NPHP4: variants seen among roughly 807,000 people sequenced by gnomAD.
The protein encoded by NPHP4 is nephrocystin-4.
NPHP4 carries 151 observed loss-of-function variants against 155.8 expected under a neutral mutation model. The observed-to-expected ratio is 0.97, with a 90% CI of 0.85 to 1.11. The LOEUF (loss-of-function observed/expected upper bound fraction) is 1.11, where lower values mean the gene tolerates loss of function less well. Ranked by LOEUF, NPHP4 falls within the 50% of genes least tolerant of loss-of-function variation. The pLI, the probability that NPHP4 is intolerant of heterozygous loss-of-function variation, is 0.00. For synonymous variants in NPHP4, 845 were observed against 816.8 expected (o/e 1.03, Z -0.59); for missense variants, 1,956 against 1,925.7 (o/e 1.02, Z -0.29).
In NPHP4 at chr1:5,867,212, G is replaced by A. The variant is rs1012655398; in HGVS notation, c.3473-97C>T. The A allele has an allele frequency of 2.1e-5, 19 of 898,220 alleles. No homozygotes were observed. Among genetic ancestry groups the A allele is most frequent in the African/African-American group, 1.3e-4 (8 of 60,244 alleles). The allele number at this position is 898,220 out of a possible 1,614,324, so 55.6% of individuals were successfully genotyped here. A position where few individuals can be genotyped will look rare whatever the true frequency, so the allele number is the denominator to read the frequency against. On this transcript the variant is annotated intron_variant, in intron 24 of 29. Transcript: ENST00000378156. The surrounding 1 kb of genome is among the most constrained non-coding windows in gnomAD (Gnocchi z 4.1). ...ACACACTATAGGACAGGACAGGCTC[G>A]TCACAGGTGCTCAGCAAGACACCTG...
In NPHP4 at chr1:5,986,244, G is replaced by C. The variant is rs569481065; in HGVS notation, c.46C>G (p.Pro16Ala). ...RIFTQNVLVP[P>A]HPQRARQPWK... ...GGCTGGCGCGCTCTCTGTGGGTGGG[G>C]AGGGACAAGCACGTTTTGGGTGAAG... Residue 16 changes from proline (P) to alanine (A), a missense_variant, in exon 2 of 30, where the codon CCC becomes GCC. By Grantham distance (27) the Pro-to-Ala change is conservative. Coordinates refer to ENST00000378156, the MANE Select transcript of NPHP4 (RefSeq NM_015102.5). 2.1e-5 allele frequency: 34 copies of C among 1,613,776 alleles called. No homozygotes were observed. The highest frequency in any genetic ancestry group is 2.7e-5 in the African/African-American group (2 of 74,918).
chr1:5,952,234 C>T (rs1432882802), intron 7 of NPHP4, among the ~76,000 whole-genome samples: 3 of 152,312 alleles, frequency 2.0e-5, no homozygotes, highest in Admixed American at 6.5e-5. Flanking sequence ...CAGCCACCTC[C>T]GGAAACGAGC....
chr1:5,979,027 G>A (rs1239824340), intron 2 of NPHP4, among the ~76,000 whole-genome samples: 1 of 148,554 alleles, frequency 6.7e-6, no homozygotes, highest in African/African-American at 2.6e-5. Context: ...CAGCCAGAGT[G>A]TAGACAGGCA....
intron 6 of NPHP4, among the ~76,000 whole-genome samples, chr1:5,956,662 G>C (rs1424992795): frequency 6.6e-6 from 1 of 152,184 alleles, no homozygotes; most frequent in East Asian, 1.9e-4. Context: ...GCCCGGTGCT[G>C]AGTGTTGCCT....
chr1:5,982,061 G>A (rs1352854874), intron 2 of NPHP4, among the ~76,000 whole-genome samples: 8 of 150,980 alleles, frequency 5.3e-5, no homozygotes, highest in Admixed American at 4.0e-4. Context: ...TGTAGCGTAC[G>A]TTATCATGAT....
chr1:5,910,064 G>A lies in NPHP4; in HGVS notation c.1442-851C>T, dbSNP rs139745863. On this transcript the variant is annotated intron_variant, in intron 11 of 29. Coordinates refer to ENST00000378156, the MANE Select transcript of NPHP4 (RefSeq NM_015102.5). This position sits in a 1 kb window ranked among gnomAD's most constrained non-coding sequence, Gnocchi z 5.4. ...AAACCCACCAGGCTCCTGCCACAGC[G>A]GTGCTGGAGCGTCCATAGCCACTCG... is the stretch of plus-strand genomic sequence containing the variant. Among the ~76,000 whole-genome samples the A allele has an allele frequency of 3.0e-4, 45 of 152,300 alleles. 1 individual carries two copies. The South Asian group carries it at 3.7e-3, about 13-fold the overall frequency.
chr1:5,893,487 C>A (rs1195390943), intron 16 of NPHP4, among the ~76,000 whole-genome samples: 1 of 152,228 alleles, frequency 6.6e-6, no homozygotes, highest in Non-Finnish European at 1.5e-5. Flanking sequence ...AAGAGAAAGA[C>A]AGCTTACACC....
chr1:5,865,212 C>T lies in NPHP4; in HGVS notation c.3706G>A (p.Val1236Met), dbSNP rs781049266. The change falls in exon 27 of 30, where the codon GTG becomes ATG. Residue 1236 changes from valine to methionine, a missense_variant. Val to Met is a conservative substitution (Grantham distance 21). Coordinates refer to ENST00000378156, the MANE Select transcript of NPHP4 (RefSeq NM_015102.5). The part of the protein sequence containing the change: ...WQVYLHSLQR[V>M]DVSCVAGQLT... ...TGGCCTGCGACGCAGGAGACATCCA[C>T]GCGCTGCAGGGAGTGGAGGTAGACC... is the stretch of plus-strand genomic sequence containing the variant. 113 of 1,607,404 alleles carry T rather than the reference C, an allele frequency of 7.0e-5. 1 individual carries two copies. The highest frequency in any genetic ancestry group is 6.7e-4 in the Middle Eastern group (4 of 6,008).
Position 5,874,545 on chromosome 1 carries a change from G to C in NPHP4, c.3157C>G (p.Leu1053Val). Residue 1053 changes from leucine to valine, a missense_variant, in exon 22 of 30, where the codon CTG (leucine) becomes GTG (valine). Physicochemically the swap from Leu to Val is conservative, Grantham distance 32. Transcript: ENST00000378156. ...ACGTGGGCGGTCTCGTGGGGGCGCA[G>C]GTAGAGCTGGGGGGCCAGGCTGCCA... ...LRGSLAPQLY[L>V]RPHETAHVPF... 1 of 1,602,230 alleles carries C rather than the reference G, an allele frequency of 6.2e-7. No homozygotes were observed.
In NPHP4 at chr1:5,954,179, T is replaced by C. The variant is rs181509427; in HGVS notation, c.674-1343A>G. Among the ~76,000 whole-genome samples, 652 of 152,332 alleles carry C rather than the reference T, an allele frequency of 4.3e-3. 7 individuals are homozygous for C. Among genetic ancestry groups the C allele is most frequent in the African/African-American group, 0.015 (605 of 41,580 alleles). On this transcript the variant is annotated intron_variant, in intron 6 of 29. Transcript: ENST00000378156. The stretch of plus-strand genomic sequence containing the variant: ...AAGCAAAGATTTATGTGCAAGAATA[T>C]TCATTGAAACTTTATTATAATAGAG...
intron 9 of NPHP4, among the ~76,000 whole-genome samples, chr1:5,939,019 C>A (rs941397968): frequency 1.3e-5 from 2 of 152,140 alleles, no homozygotes; most frequent in Non-Finnish European, 2.9e-5. Flanking sequence ...AGAATGATGT[C>A]TTTTGTTTCC....
chr1:5,866,457 C>G lies in NPHP4; in HGVS notation c.3560G>C (p.Gly1187Ala). The change falls in exon 26 of 30, where the codon GGC becomes GCC. Residue 1187 changes from glycine to alanine, a missense_variant and splice_region_variant. By Grantham distance (60) the Gly-to-Ala change is moderately conservative. Transcript: ENST00000378156. ...PNVICETQNV[G>A]PGEPRDIFLK... ...AAATATGTCCCGTGGTTCCCCGGGG[C>G]CCTGCCAACCAGATGTGCAGCACAT... 1 of 1,583,652 alleles carries G rather than the reference C, an allele frequency of 6.3e-7. No individual in the cohort carries two copies. Among genetic ancestry groups the G allele is most frequent in the Admixed American group, 1.7e-5 (1 of 57,422 alleles).
intron 2 of NPHP4, among the ~76,000 whole-genome samples, chr1:5,980,444 C>A (rs1488983650): frequency 1.3e-5 from 2 of 152,336 alleles, no homozygotes; most frequent in Admixed American, 1.3e-4. Flanking sequence ...CCTCACGGCG[C>A]GAGGAGAAGC....
At chr1:5,963,618 C>G (rs1189656045) in intron 5 of NPHP4, among the ~76,000 whole-genome samples, 1 of 151,982 alleles carries the variant, frequency 6.6e-6, no homozygotes, top group Non-Finnish European at 1.5e-5. Context: ...GGATTTTGCC[C>G]TAAGAATTCA....
At position 5,927,535 on chromosome 1, in the gene NPHP4, C is replaced by T. The variant is rs528726228; in HGVS notation, c.1441+114G>A. On this transcript the variant is annotated intron_variant, in intron 11 of 29. Coordinates refer to ENST00000378156, the MANE Select transcript of NPHP4 (RefSeq NM_015102.5). Reference sequence around the variant, plus strand: ...CAGATTCCATTAATGCAATCTACGACGATTATCTTACAAATGTGGTGATTA... The same window carrying T: ...CAGATTCCATTAATGCAATCTACGATGATTATCTTACAAATGTGGTGATTA... 101 of 1,180,424 alleles carry T rather than the reference C, an allele frequency of 8.6e-5. 5 individuals are homozygous for T. The South Asian group carries it at 1.3e-3, about 16-fold the overall frequency. 73.1% of individuals were successfully genotyped at this position (1,180,424 alleles called of 1,614,324 possible).
rs140458228 is a variant in NPHP4 at position 5,917,723 on chromosome 1, C to G, written c.1442-8510G>C. Among the ~76,000 whole-genome samples the G allele has an allele frequency of 6.1e-3, 923 of 152,334 alleles. 11 individuals carry two copies. Among genetic ancestry groups the G allele is most frequent in the African/African-American group, 0.02 (823 of 41,576 alleles). ...GAGCTGCTTCAATGATAAGACTCTT[C>G]AGTGTGGAGCAAATAAATGCACCAA... On this transcript the variant is annotated intron_variant, in intron 11 of 29. Coordinates refer to ENST00000378156, the MANE Select transcript of NPHP4 (RefSeq NM_015102.5).
At chr1:5,895,456 C>T (rs905466917) in intron 16 of NPHP4, among the ~76,000 whole-genome samples, 2 of 152,100 alleles carry the variant, frequency 1.3e-5, no homozygotes, top group Admixed American at 6.5e-5. Context: ...GCCAAGATCG[C>T]GCCACTGCAC....
At chr1:5,955,682 T>C (rs11584087) in intron 6 of NPHP4, among the ~76,000 whole-genome samples, 27,410 of 152,166 alleles carry the variant, frequency 0.18, 2,537 homozygotes, top group African/African-American at 0.22. Flanking sequence ...ATATGTGGGA[T>C]CTCAAAAAGA....
At chr1:5,977,456 G>A (rs11120933) in intron 3 of NPHP4, among the ~76,000 whole-genome samples, 26,223 of 151,848 alleles carry the variant, frequency 0.17, 2,371 homozygotes, top group African/African-American at 0.22. Context: ...AGGTCTCCAC[G>A]TTCTCCTATT....
Sources: allele counts gnomAD v4.1 joint callset (sites outside exome capture counted in the v4.1 genomes callset), GRCh38; gene constraint gnomAD v4.1.1; non-coding constraint Gnocchi (gnomAD v3.1); transcripts MANE v1.5; gene names NCBI Gene and HGNC (gene_info 2026-07-23, HGNC 2026-07-21).